Variants in ELOVL7 observed in about 807,000 individuals in gnomAD.
The protein encoded by ELOVL7 is ELOVL fatty acid elongase 7.
A neutral mutation model predicts 35.7 loss-of-function variants in ELOVL7; 27 were observed. The ratio of observed to expected loss-of-function variants is 0.76; its 90% CI spans 0.56 to 1.04. The LOEUF is 1.04. Among genes scored for constraint, ELOVL7 ranks in the 50% least tolerant of loss-of-function variants. ELOVL7 has a pLI of 0.00. For missense variants in ELOVL7, 327 were observed against 340.8 expected (o/e 0.96, Z 0.32); for synonymous variants, 113 against 114.6 (o/e 0.99, Z 0.09).
intron 1 of ELOVL7, among the ~76,000 whole-genome samples, chr5:60,818,319 G>GAAAAAAAAAAAAAAAAA (rs60141189): frequency 1.4e-5 from 1 of 70,592 alleles, no homozygotes. Context: ...TTCCATCTCA[G>GAAAAAAAAAAAAAAAAA]AAAAAAAAAA....
chr5:60,766,979 C>T (rs1318792283), intron 5 of ELOVL7, among the ~76,000 whole-genome samples: 1 of 152,234 alleles, frequency 6.6e-6, no homozygotes, highest in Non-Finnish European at 1.5e-5. Flanking sequence ...CTAATTATTT[C>T]ACTTAGCATA....
At chr5:60,787,529 T>C (rs1743674927) in intron 2 of ELOVL7, 98 bp from the exon 3 acceptor site, 1 of 640,086 alleles carries the variant, frequency 1.6e-6, no homozygotes, top group Non-Finnish European at 2.5e-6. Context: ...AAATTTAATA[T>C]GAATAACTGG....
chr5:60,834,336 G>A (rs994027615), intron 1 of ELOVL7, among the ~76,000 whole-genome samples: 8 of 152,038 alleles, frequency 5.3e-5, no homozygotes, highest in Non-Finnish European at 1.0e-4. Flanking sequence ...TAGTAGAGAC[G>A]GGGTTTCACC....
At chr5:60,756,786 C>T (rs950340512) in intron 8 of ELOVL7, among the ~76,000 whole-genome samples, 1 of 152,058 alleles carries the variant, frequency 6.6e-6, no homozygotes, top group Non-Finnish European at 1.5e-5. Flanking sequence ...AATATGACAT[C>T]AATTTATTAT....
chr5:60,764,197 A>G (rs759641337), intron 7 of ELOVL7, 30 bp downstream of exon 7: 7 of 1,454,308 alleles, frequency 4.8e-6, no homozygotes, highest in Admixed American at 1.7e-5. Flanking sequence ...TGTTGTTTAT[A>G]ACACATGATC....
chr5:60,791,402 C>A (rs1387626308), intron 2 of ELOVL7, among the ~76,000 whole-genome samples: 2 of 152,160 alleles, frequency 1.3e-5, no homozygotes, highest in Non-Finnish European at 2.9e-5. Flanking sequence ...GAGGAGGATG[C>A]AGTCTGTAAA....
intron 1 of ELOVL7, among the ~76,000 whole-genome samples, chr5:60,826,429 T>G (rs1746175909): frequency 6.6e-6 from 1 of 152,150 alleles, no homozygotes; most frequent in African/African-American, 2.4e-5. Context: ...ATAACTGAAC[T>G]TTTCTGGATG....
chr5:60,761,308 T>C (rs974083048), intron 7 of ELOVL7, among the ~76,000 whole-genome samples: 9 of 152,126 alleles, frequency 5.9e-5, no homozygotes, highest in Admixed American at 2.0e-4. Context: ...AATATCTTCA[T>C]CCTATTCAAA....
intron 1 of ELOVL7, among the ~76,000 whole-genome samples, chr5:60,842,150 C>T (rs1747210528): frequency 6.6e-6 from 1 of 152,060 alleles, no homozygotes; most frequent in Admixed American, 6.6e-5. Flanking sequence ...CAGAGAAGGG[C>T]ATATGTGTTC....
rs1384287095 is a variant in ELOVL7 at position 60,787,353 on chromosome 5, A to AT, written c.44dup (p.Asp15GlufsTer2). On this transcript the variant is annotated frameshift_variant, in exon 3 of 9. Coordinates refer to ENST00000508821, the MANE Select transcript of ELOVL7 (RefSeq NM_024930.3). LOFTEE classifies it high-confidence loss of function. ...ACTCACCAGCATCTTTGATCCAATT[A>AT]TCATAAAGATGCACAGTCCTCGATG... The AT allele has an allele frequency of 6.2e-7, 1 of 1,604,942 alleles. No individual in the cohort carries two copies. Among genetic ancestry groups the AT allele is most frequent in the South Asian group, 1.1e-5 (1 of 88,344 alleles).
chr5:60,789,483 T>C (rs1380034799), intron 2 of ELOVL7, among the ~76,000 whole-genome samples: 1 of 152,088 alleles, frequency 6.6e-6, no homozygotes, highest in Non-Finnish European at 1.5e-5. Flanking sequence ...TTGGCAGGAG[T>C]GTGGGAAATT....
At chr5:60,769,124 G>C (rs995446404) in intron 4 of ELOVL7, among the ~76,000 whole-genome samples, 1 of 152,110 alleles carries the variant, frequency 6.6e-6, no homozygotes, top group Non-Finnish European at 1.5e-5. Context: ...TGAAAATTAA[G>C]ACTCAGAAAA....
At chr5:60,839,958 C>A (rs1388877171) in intron 1 of ELOVL7, among the ~76,000 whole-genome samples, 1 of 151,522 alleles carries the variant, frequency 6.6e-6, no homozygotes, top group Non-Finnish European at 1.5e-5. Flanking sequence ...CATGACTGTG[C>A]CACTGCACTC....
intron 1 of ELOVL7, among the ~76,000 whole-genome samples, chr5:60,821,368 C>T (rs955420736): frequency 6.6e-5 from 10 of 152,174 alleles, no homozygotes; most frequent in African/African-American, 2.2e-4. Context: ...GATCTCAACC[C>T]CACGTGACTC....
chr5:60,786,728 C>T (rs1055766680), intron 3 of ELOVL7, among the ~76,000 whole-genome samples: 1 of 151,942 alleles, frequency 6.6e-6, no homozygotes, highest in Non-Finnish European at 1.5e-5. Context: ...GGGCGGATCA[C>T]GAGGTCAGGA....
At chr5:60,826,288 A>G (rs1746167343) in intron 1 of ELOVL7, among the ~76,000 whole-genome samples, 1 of 152,210 alleles carries the variant, frequency 6.6e-6, no homozygotes, top group Non-Finnish European at 1.5e-5. Flanking sequence ...GTGTTTCATA[A>G]AAGTATTTTA....
chr5:60,807,128 C>G (rs544230746), intron 1 of ELOVL7, among the ~76,000 whole-genome samples: 18 of 152,124 alleles, frequency 1.2e-4, no homozygotes, highest in African/African-American at 4.3e-4. Context: ...AACCTCACAT[C>G]GGAGGAGAAG....
At chr5:60,765,112 A>C (rs1251291423) in intron 6 of ELOVL7, among the ~76,000 whole-genome samples, 1 of 152,238 alleles carries the variant, frequency 6.6e-6, no homozygotes, top group Admixed American at 6.5e-5. Flanking sequence ...AGGACACAGA[A>C]GCAGTGCAGT....
chr5:60,765,976 G>A (rs1563521), intron 6 of ELOVL7, among the ~76,000 whole-genome samples: 4 of 151,892 alleles, frequency 2.6e-5, no homozygotes, highest in Admixed American at 6.6e-5. Flanking sequence ...AATCACAGAC[G>A]CTAATTTGTG....
Sources: allele counts gnomAD v4.1 joint callset (sites outside exome capture counted in the v4.1 genomes callset), GRCh38; gene constraint gnomAD v4.1.1; transcripts MANE v1.5; gene names NCBI Gene and HGNC (gene_info 2026-07-23, HGNC 2026-07-21).